Variants in PYROXD1 observed in about 807,000 individuals in gnomAD.
PYROXD1 encodes pyridine nucleotide-disulphide oxidoreductase domain 1, also known as tRNA ligase complex-associated NAD(P)H dehydrogenase PYROXD1.
PYROXD1 carries 42 observed loss-of-function variants against 62.0 expected under a neutral mutation model. The ratio of observed to expected loss-of-function variants is 0.68; its 90% confidence interval spans 0.53 to 0.88. PYROXD1 has a LOEUF of 0.88. PYROXD1 is among the 40% of genes least tolerant of loss of function. The pLI, the probability that PYROXD1 is intolerant of heterozygous loss-of-function variation, is 0.00. For missense variants in PYROXD1, 493 were observed against 604.8 expected, an observed-to-expected ratio of 0.82 and a Z score of 1.94; for synonymous variants, 170 against 206.4, an observed-to-expected ratio of 0.82 and a Z score of 1.51.
At position 21,468,393 on chromosome 12, in the gene PYROXD1, T is replaced by C. The variant is rs1942841879; in HGVS notation, c.1255-113T>C. 3.7e-5 allele frequency: 35 copies of C among 951,014 alleles called. No individual in the cohort carries two copies. In the South Asian group the frequency reaches 5.0e-4, roughly 14 times the overall value. The allele number at this position is 951,014 out of a possible 1,614,324, so 58.9% of individuals were successfully genotyped here. ...CTCTCCCCAATAACATTTTTAGTTATGAAATTTTGTGGCATAAGTTTTCTG... is the reference window on the plus strand; with the variant it reads ...CTCTCCCCAATAACATTTTTAGTTACGAAATTTTGTGGCATAAGTTTTCTG... On this transcript the variant is annotated intron_variant, in intron 11 of 11. Coordinates refer to ENST00000240651, the MANE Select transcript of PYROXD1 (RefSeq NM_024854.5).
At chr12:21,441,546 A>G (rs768832368) in intron 2 of PYROXD1, among the ~76,000 whole-genome samples, 6 of 151,838 alleles carry the variant, frequency 4.0e-5, no homozygotes, top group Non-Finnish European at 8.8e-5. Flanking sequence ...CTGTGTGATC[A>G]GTTCTCTTGT....
In PYROXD1 at chr12:21,468,645, C is replaced by G. The variant is rs868118493; in HGVS notation, c.1394C>G (p.Thr465Ser). 1 of 1,612,858 alleles carries G rather than the reference C, an allele frequency of 6.2e-7. No homozygotes were observed. The highest frequency in any genetic ancestry group is 1.7e-4 in the Middle Eastern group (1 of 6,046). The part of the protein sequence containing the change: ...RMMGAVLIGE[T>S]DLEETFENLI... ...ATGGGAGCTGTCTTAATTGGTGAAA[C>G]CGATTTAGAAGAAACATTTGAAAAC... The change falls in exon 12 of 12, where the codon ACC becomes AGC. Residue 465 changes from threonine (T) to serine (S), a missense_variant. Transcript: ENST00000240651.
chr12:21,452,038 C>T, intron 4 of PYROXD1, 43 bp from the exon 5 acceptor site: 1 of 1,124,086 alleles, frequency 8.9e-7, no homozygotes, highest in Admixed American at 2.1e-5. Context: ...GATTATTGCC[C>T]ACTATTACAA....
chr12:21,446,118 G>A (rs186833485), intron 3 of PYROXD1, among the ~76,000 whole-genome samples: 81 of 152,272 alleles, frequency 5.3e-4, no homozygotes, highest in African/African-American at 1.7e-3. Context: ...GGTTTTTAAT[G>A]TCACACTATA....
At chr12:21,467,748 TTTC>T (rs1490311219) in intron 11 of PYROXD1, 130 bp downstream of exon 11, 1 of 727,680 alleles carries the variant, frequency 1.4e-6, no homozygotes, top group Admixed American at 2.9e-5. Context: ...ACATTTTTCA[TTTC>T]TTACAAACCA....
chr12:21,443,507 A>T (rs7295570), intron 2 of PYROXD1, among the ~76,000 whole-genome samples: 74,899 of 151,958 alleles, frequency 0.49, 18,517 homozygotes, highest in Middle Eastern at 0.59. Context: ...TAGAAAAGTC[A>T]TCTCCAAACT....
chr12:21,468,360 C>T (rs1189019430), intron 11 of PYROXD1, 146 bp from the exon 12 acceptor site: 2 of 684,920 alleles, frequency 2.9e-6, no homozygotes, highest in African/African-American at 3.6e-5. Context: ...GAAACATTTT[C>T]TTTGGGACTC....
Position 21,461,159 on chromosome 12 carries a change from G to A in PYROXD1, c.880+5G>A. 4 of 1,492,050 alleles carry A rather than the reference G, an allele frequency of 2.7e-6. No individual in the cohort carries two copies. The highest frequency in any genetic ancestry group is 3.6e-6 in the Non-Finnish European group (4 of 1,120,914). 92.4% of individuals were successfully genotyped at this position (1,492,050 alleles called of 1,614,324 possible). A position where few individuals can be genotyped will look rare whatever the true frequency, so the allele number is the denominator to read the frequency against. ...AGTCAGTTACAGCTGATACAGGCAA[G>A]TAATGAAATAAGAAAAAATATATAT... On this transcript the variant is annotated splice_donor_5th_base_variant and intron_variant, in intron 8 of 11. Transcript: ENST00000240651.
chr12:21,451,868 G>T (rs1019502718), intron 4 of PYROXD1, among the ~76,000 whole-genome samples: 1 of 152,206 alleles, frequency 6.6e-6, no homozygotes, highest in Non-Finnish European at 1.5e-5. Flanking sequence ...GAGAGGCATT[G>T]CTATAAAGGC....
chr12:21,467,642 G>A (rs1249295526), intron 11 of PYROXD1, 24 bp downstream of exon 11: 11 of 1,553,760 alleles, frequency 7.1e-6, no homozygotes, highest in African/African-American at 1.4e-5. Context: ...GCATATTAAT[G>A]CCTTCTCTGC....
chr12:21,466,914 C>G (rs1467446793), intron 10 of PYROXD1, among the ~76,000 whole-genome samples: 1 of 151,906 alleles, frequency 6.6e-6, no homozygotes, highest in African/African-American at 2.4e-5. Context: ...CAGGGAGTCT[C>G]AAAACTTCAT....
In PYROXD1 at chr12:21,471,238, C is replaced by A; in HGVS notation, c.*2484C>A. The A allele has an allele frequency of 9.7e-7, 1 of 1,028,776 alleles. No individual in the cohort carries two copies. The highest frequency in any genetic ancestry group is 1.4e-6 in the Non-Finnish European group (1 of 731,030). 63.7% of individuals were successfully genotyped at this position (1,028,776 alleles called of 1,614,324 possible). On this transcript the variant is annotated 3_prime_UTR_variant, in exon 12 of 12. Coordinates refer to ENST00000240651, the MANE Select transcript of PYROXD1 (RefSeq NM_024854.5). ...AAAATTTACAAGAATGCAAATAAAG[C>A]CTTTAAAGAAAATATTTTCGTTACT...
rs113568978 is a variant in PYROXD1, at chr12:21,461,953, G to A, written c.881-55G>A. On this transcript the variant is annotated intron_variant, in intron 8 of 11. Transcript: ENST00000240651. ...TCATTGTAGTCACATACACTGCTGT[G>A]GTGATGGTTCCATTTACAAATAAAG... The A allele has an allele frequency of 2.2e-5, 23 of 1,035,352 alleles. No individual in the cohort carries two copies. In the African/African-American group the frequency reaches 3.5e-4, roughly 16 times the overall value. The allele number at this position is 1,035,352 out of a possible 1,614,324, so 64.1% of individuals were successfully genotyped here. A position where few individuals can be genotyped will look rare whatever the true frequency, so the allele number is the denominator to read the frequency against.
chr12:21,445,231 C>T (rs2137247178), intron 2 of PYROXD1, 116 bp from the exon 3 acceptor site: 1 of 1,135,392 alleles, frequency 8.8e-7, no homozygotes, highest in Non-Finnish European at 1.2e-6. Context: ...AGTTGGCTAA[C>T]TTGTTTGTTT....
chr12:21,456,915 G>A (rs1401025004), intron 7 of PYROXD1: 5 of 451,542 alleles, frequency 1.1e-5, no homozygotes, highest in Admixed American at 4.9e-5. Flanking sequence ...AGATAACTAC[G>A]TTCTTTGCTC....
intron 7 of PYROXD1, chr12:21,457,002 A>G (rs68030467): frequency 0.13 from 45,299 of 354,650 alleles, 3,406 homozygotes; most frequent in Middle Eastern, 0.22. Flanking sequence ...TTCAGGATTC[A>G]TTTCTAATTA....
At chr12:21,440,316 C>A (rs1386091181) in intron 1 of PYROXD1, 52 bp from the exon 2 acceptor site, 3 of 980,752 alleles carry the variant, frequency 3.1e-6, no homozygotes, top group Admixed American at 4.0e-5. Flanking sequence ...CCATATATAC[C>A]AGTACTTAAA....
intron 10 of PYROXD1, among the ~76,000 whole-genome samples, chr12:21,466,605 C>T (rs1942799181): frequency 6.6e-6 from 1 of 152,326 alleles, no homozygotes. Context: ...ATGTCATCTG[C>T]AAACAGGGAC....
At chr12:21,445,557 A>G in intron 3 of PYROXD1, 91 bp downstream of exon 3, 1 of 1,261,690 alleles carries the variant, frequency 7.9e-7, no homozygotes, top group Non-Finnish European at 1.0e-6. Context: ...TACTACCACC[A>G]CCATTTAAGT....
Sources: allele counts gnomAD v4.1 joint callset (sites outside exome capture counted in the v4.1 genomes callset), GRCh38; gene constraint gnomAD v4.1.1; transcripts MANE v1.5; gene names NCBI Gene and HGNC (gene_info 2026-07-23, HGNC 2026-07-21).